The following EFCAB11 variants were observed in gnomAD, a reference collection of about 807,000 sequenced individuals.
EFCAB11 encodes the protein EF-hand calcium binding domain 11, also known as EF-hand calcium-binding domain-containing protein 11.
In EFCAB11, 14 loss-of-function variants were observed where a neutral mutation model predicts 23.0. That is an observed-to-expected ratio of 0.61 (90% CI 0.40 to 0.95). The LOEUF is 0.95. Ranked by LOEUF, EFCAB11 falls within the 40% of genes least tolerant of loss-of-function variation. The pLI is 0.00. For missense variants in EFCAB11, 198 were observed against 195.8 expected (o/e 1.01, Z -0.07); for synonymous variants, 65 against 66.6 (o/e 0.98, Z 0.11).
intron 5 of EFCAB11, among the ~76,000 whole-genome samples, chr14:89,832,263 A>T (rs979801002): frequency 1.3e-5 from 2 of 152,124 alleles, no homozygotes; most frequent in Non-Finnish European, 2.9e-5. Flanking sequence ...CAGTGAGCCG[A>T]GACTGCACCA....
intron 5 of EFCAB11, among the ~76,000 whole-genome samples, chr14:89,914,717 G>A (rs11850323): frequency 0.13 from 19,215 of 151,938 alleles, 3,367 homozygotes; most frequent in African/African-American, 0.4. Context: ...TCTGGGAGGT[G>A]GAGGTTGCAG....
intron 5 of EFCAB11, among the ~76,000 whole-genome samples, chr14:89,856,192 C>CTCT (rs1555372839): frequency 1.5e-5 from 2 of 136,458 alleles, no homozygotes; most frequent in African/African-American, 2.9e-5. Flanking sequence ...CTCTCTCTCT[C>CTCT]TTTTTTTTTT....
At chr14:89,953,207 G>GAAA (rs374879381) in intron 2 of EFCAB11, among the ~76,000 whole-genome samples, 1 of 128,434 alleles carries the variant, frequency 7.8e-6, no homozygotes, top group African/African-American at 2.9e-5. Context: ...AATGTTGGCA[G>GAAA]AAAAAAAAAA....
chr14:89,941,054 C>G (rs1890774675), intron 3 of EFCAB11, among the ~76,000 whole-genome samples: 1 of 152,210 alleles, frequency 6.6e-6, no homozygotes, highest in Non-Finnish European at 1.5e-5. Flanking sequence ...AACAGCCTTA[C>G]AAAATTCACT....
intron 5 of EFCAB11, among the ~76,000 whole-genome samples, chr14:89,915,373 T>G (rs533743140): frequency 6.6e-6 from 1 of 152,346 alleles, no homozygotes; most frequent in African/African-American, 2.4e-5. Flanking sequence ...TTTCAAAAAC[T>G]ACGAAAAATA....
intron 5 of EFCAB11, among the ~76,000 whole-genome samples, chr14:89,835,672 G>A (rs77955939): frequency 0.17 from 24,815 of 144,536 alleles, 2,704 homozygotes; most frequent in East Asian, 0.53. Flanking sequence ...CTGTTGCCCA[G>A]GCTGGAGTGC....
intron 5 of EFCAB11, among the ~76,000 whole-genome samples, chr14:89,801,058 A>AG (rs1885762968): frequency 7.7e-6 from 1 of 129,888 alleles, no homozygotes; most frequent in Non-Finnish European, 1.7e-5. Context: ...AAAAAAAAAA[A>AG]AAGAAGTACT....
At chr14:89,829,055 T>C (rs138531093) in intron 5 of EFCAB11, among the ~76,000 whole-genome samples, 228 of 152,348 alleles carry the variant, frequency 1.5e-3, no homozygotes, top group African/African-American at 5.2e-3. Flanking sequence ...ATGATGGTGA[T>C]ATGAAGGAAG....
chr14:89,839,942 A>G (rs1005362077), intron 5 of EFCAB11, among the ~76,000 whole-genome samples: 2 of 152,182 alleles, frequency 1.3e-5, no homozygotes, highest in Non-Finnish European at 2.9e-5. Context: ...CCCATCTCCA[A>G]CACTGGGGAT....
chr14:89,856,048 C>T (rs1242322309), intron 5 of EFCAB11, among the ~76,000 whole-genome samples: 1 of 152,146 alleles, frequency 6.6e-6, no homozygotes, highest in Admixed American at 6.5e-5. Flanking sequence ...TAGGTTGTTT[C>T]TATATCTTGG....
At chr14:89,878,051 C>T (rs770520091) in intron 5 of EFCAB11, among the ~76,000 whole-genome samples, 3 of 152,136 alleles carry the variant, frequency 2.0e-5, no homozygotes, top group Non-Finnish European at 2.9e-5. Context: ...CGCTACAGAA[C>T]GTTGGTCATT....
intron 5 of EFCAB11, among the ~76,000 whole-genome samples, chr14:89,900,921 G>C (rs1423889839): frequency 2.0e-5 from 3 of 152,066 alleles, no homozygotes; most frequent in African/African-American, 7.2e-5. Context: ...TAAATCACTG[G>C]AAAGTTTAAT....
At chr14:89,891,805 G>A (rs2140189449) in intron 5 of EFCAB11, among the ~76,000 whole-genome samples, 1 of 152,266 alleles carries the variant, frequency 6.6e-6, no homozygotes. Flanking sequence ...TGGAGGCCGA[G>A]GGCTGCCGCT....
chr14:89,817,945 G>A (rs1886386574), intron 5 of EFCAB11, among the ~76,000 whole-genome samples: 1 of 152,066 alleles, frequency 6.6e-6, no homozygotes, highest in Admixed American at 6.6e-5. Context: ...AGTGAGCCAA[G>A]ATCACGCCAC....
intron 5 of EFCAB11, among the ~76,000 whole-genome samples, chr14:89,896,095 A>C (rs917455647): frequency 6.6e-6 from 1 of 152,120 alleles, no homozygotes; most frequent in African/African-American, 2.4e-5. Context: ...AAAGATTAAG[A>C]AGTCTGGCGG....
chr14:89,954,735 C>G (rs1246825411), upstream of EFCAB11: 2 of 1,548,970 alleles, frequency 1.3e-6, no homozygotes, highest in Non-Finnish European at 1.7e-6. Flanking sequence ...CAGCCTACCG[C>G]GGCCACGCCC....
At chr14:89,890,461 T>C (rs1888929275) in intron 5 of EFCAB11, among the ~76,000 whole-genome samples, 1 of 152,206 alleles carries the variant, frequency 6.6e-6, no homozygotes, top group South Asian at 2.1e-4. Context: ...TACAAATAAG[T>C]GATACTCTTT....
chr14:89,885,826 AAG>A (rs959524803), intron 5 of EFCAB11, among the ~76,000 whole-genome samples: 5 of 151,686 alleles, frequency 3.3e-5, no homozygotes, highest in African/African-American at 1.2e-4. Flanking sequence ...GAAAGAAGGA[AAG>A]AGAAAGAAAG....
intron 5 of EFCAB11, among the ~76,000 whole-genome samples, chr14:89,886,864 G>A (rs138906031): frequency 6.6e-4 from 100 of 152,204 alleles, no homozygotes; most frequent in African/African-American, 2.1e-3. Context: ...ATTTAATCAG[G>A]CTTAGAGATT....
Sources: gnomAD v4.1 joint callset for allele counts (sites outside exome capture counted in the v4.1 genomes callset) on GRCh38, gnomAD v4.1.1 for gene constraint, MANE v1.5 for transcripts, NCBI Gene and HGNC (gene_info 2026-07-23, HGNC 2026-07-21) for gene names.